TTC27: variants seen among roughly 807,000 people sequenced by gnomAD.
The protein encoded by TTC27 is tetratricopeptide repeat domain 27, also known as tetratricopeptide repeat protein 27.
A neutral mutation model predicts 115.9 loss-of-function variants in TTC27; 79 were observed. That is an observed-to-expected ratio of 0.68 (90% CI 0.57 to 0.82). The LOEUF is 0.82. Ranked by LOEUF, TTC27 falls within the 40% of genes least tolerant of loss-of-function variation. The pLI is 0.00. For missense variants in TTC27, 1,054 were observed against 993.1 expected (o/e 1.06, Z -0.82); for synonymous variants, 401 against 356.0 (o/e 1.13, Z -1.42).
chr2:32,738,919 G>A (rs1402363147), intron 12 of TTC27, among the ~76,000 whole-genome samples: 1 of 152,154 alleles, frequency 6.6e-6, no homozygotes, highest in Non-Finnish European at 1.5e-5. Flanking sequence ...GCAACGTATT[G>A]AAGGCAGGAA....
At chr2:32,683,401 G>A (rs1321750898) in intron 9 of TTC27, among the ~76,000 whole-genome samples, 1 of 152,208 alleles carries the variant, frequency 6.6e-6, no homozygotes, top group Non-Finnish European at 1.5e-5. Context: ...ATGGCTCTTG[G>A]TCCTGAATTT....
At chr2:32,749,496 G>A (rs1250809264) in intron 12 of TTC27, among the ~76,000 whole-genome samples, 4 of 152,158 alleles carry the variant, frequency 2.6e-5, no homozygotes, top group African/African-American at 9.7e-5. Flanking sequence ...CCAAGATTTA[G>A]CATTTCTCTT....
At chr2:32,745,976 C>G (rs1243987498) in intron 12 of TTC27, among the ~76,000 whole-genome samples, 1 of 152,124 alleles carries the variant, frequency 6.6e-6, no homozygotes, top group East Asian at 1.9e-4. Flanking sequence ...ATTACAAGTT[C>G]TGCTTGAGTC....
intron 5 of TTC27, 142 bp downstream of exon 5, chr2:32,650,375 G>A: frequency 2.5e-6 from 1 of 401,672 alleles, no homozygotes; most frequent in East Asian, 3.6e-5. Flanking sequence ...TTTTTTTTTT[G>A]GTGTAGAATA....
chr2:32,789,002 C>T (rs1209619409), intron 16 of TTC27, among the ~76,000 whole-genome samples: 2 of 152,186 alleles, frequency 1.3e-5, no homozygotes, highest in African/African-American at 2.4e-5. Context: ...ATTTAATTCT[C>T]ACCTCAGCTG....
chr2:32,642,654 TTTTG>T (rs756431139), intron 4 of TTC27, among the ~76,000 whole-genome samples: 8 of 152,096 alleles, frequency 5.3e-5, no homozygotes, highest in South Asian at 2.1e-4. Flanking sequence ...AGAGGTTGTT[TTTTG>T]TTTGTTTGTT....
chr2:32,705,617 C>G (rs147462665), intron 10 of TTC27, among the ~76,000 whole-genome samples: 3 of 152,216 alleles, frequency 2.0e-5, no homozygotes, highest in Middle Eastern at 3.4e-3. Flanking sequence ...GTGGTGTGAT[C>G]ATTGCTCTCT....
intron 10 of TTC27, among the ~76,000 whole-genome samples, chr2:32,715,753 T>C (rs2151907611): frequency 6.6e-6 from 1 of 152,292 alleles, no homozygotes; most frequent in East Asian, 1.9e-4. Context: ...GGGCATGTCA[T>C]AATGAAACCC....
At chr2:32,780,102 T>A (rs1670125670) in intron 14 of TTC27, 1 of 467,136 alleles carries the variant, frequency 2.1e-6, no homozygotes, top group Non-Finnish European at 4.5e-6. Flanking sequence ...GTAGTAAGTT[T>A]TGAAAATGCT....
chr2:32,745,670 G>GA (rs200957000), intron 12 of TTC27, among the ~76,000 whole-genome samples: 22 of 148,236 alleles, frequency 1.5e-4, no homozygotes, highest in South Asian at 2.1e-4. Context: ...TCAGTATTTT[G>GA]AAAAAAAAAT....
intron 9 of TTC27, among the ~76,000 whole-genome samples, chr2:32,702,020 A>AAAAAAAC (rs796361003): frequency 2.3e-3 from 329 of 145,460 alleles, no homozygotes; most frequent in East Asian, 3.6e-3. Context: ...CAAAAAAAAA[A>AAAAAAAC]AAAAACAAAA....
intron 12 of TTC27, among the ~76,000 whole-genome samples, chr2:32,755,171 C>CA (rs1363367950): frequency 8.5e-5 from 13 of 152,090 alleles, no homozygotes; most frequent in African/African-American, 2.9e-4. Flanking sequence ...CCTCACTTCC[C>CA]AGACGGGGTG....
intron 5 of TTC27, among the ~76,000 whole-genome samples, chr2:32,659,650 T>G (rs1241960548): frequency 6.6e-6 from 1 of 152,134 alleles, no homozygotes; most frequent in Non-Finnish European, 1.5e-5. Flanking sequence ...ACCTATCATC[T>G]ACATTAGGTA....
chr2:32,816,897 C>T (rs1269936896), intron 18 of TTC27, among the ~76,000 whole-genome samples: 1 of 152,162 alleles, frequency 6.6e-6, no homozygotes, highest in African/African-American at 2.4e-5. Context: ...TGTGCTGCAT[C>T]TGTTTTTGTC....
At chr2:32,722,224 A>T (rs534102811) in intron 10 of TTC27, among the ~76,000 whole-genome samples, 1 of 152,260 alleles carries the variant, frequency 6.6e-6, no homozygotes, top group Admixed American at 6.5e-5. Flanking sequence ...TGCCATCAAG[A>T]TTTTCACATA....
chr2:32,779,618 T>A (rs976047142), intron 14 of TTC27, among the ~76,000 whole-genome samples: 3 of 152,136 alleles, frequency 2.0e-5, no homozygotes, highest in Non-Finnish European at 2.9e-5. Flanking sequence ...CTCTATTGAT[T>A]GTGCACTTTA....
At chr2:32,739,691 A>T (rs1668563037) in intron 12 of TTC27, among the ~76,000 whole-genome samples, 1 of 152,054 alleles carries the variant, frequency 6.6e-6, no homozygotes, top group South Asian at 2.1e-4. Flanking sequence ...CCCATAAAAG[A>T]CCTCCTTTAC....
At chr2:32,649,514 A>G (rs1335446723) in intron 4 of TTC27, among the ~76,000 whole-genome samples, 1 of 151,526 alleles carries the variant, frequency 6.6e-6, no homozygotes, top group African/African-American at 2.4e-5. Context: ...TAAAGTGGTG[A>G]TAGAGTGCCA....
intron 4 of TTC27, among the ~76,000 whole-genome samples, chr2:32,642,088 C>G (rs1366795094): frequency 6.6e-6 from 1 of 151,894 alleles, no homozygotes; most frequent in Non-Finnish European, 1.5e-5. Flanking sequence ...AACTCCTGAC[C>G]TTAGGTGATC....
Sources: gnomAD v4.1 joint callset for allele counts (sites outside exome capture counted in the v4.1 genomes callset) on GRCh38, gnomAD v4.1.1 for gene constraint, MANE v1.5 for transcripts, NCBI Gene and HGNC (gene_info 2026-07-23, HGNC 2026-07-21) for gene names.